DLC1: variants seen among roughly 807,000 people sequenced by gnomAD.
DLC1 encodes DLC1 Rho GTPase activating protein.
In DLC1, 54 loss-of-function variants were observed where a neutral mutation model predicts 140.3. That is an observed-to-expected ratio of 0.38 (90% CI 0.31 to 0.48). The LOEUF is 0.48. Ranked by LOEUF, DLC1 falls within the 20% of genes least tolerant of loss-of-function variation. DLC1 has a pLI of 0.96. For missense variants in DLC1, 2,536 were observed against 1,907.0 expected (o/e 1.33, Z -6.14); for synonymous variants, 986 against 728.1 (o/e 1.35, Z -5.70).
chr8:13,269,016 G>T (rs1038866868), intron 5 of DLC1, among the ~76,000 whole-genome samples: 1 of 151,694 alleles, frequency 6.6e-6, no homozygotes, highest in Non-Finnish European at 1.5e-5. Flanking sequence ...TGGGACTAAA[G>T]GCACCCGCCA....
At chr8:13,314,986 T>G (rs1276552799) in intron 4 of DLC1, among the ~76,000 whole-genome samples, 2 of 152,200 alleles carry the variant, frequency 1.3e-5, no homozygotes, top group African/African-American at 4.8e-5. Flanking sequence ...TAGGTTTTAT[T>G]TTGGCTGAAA....
chr8:13,297,292 A>AAAAAAAAAAAAAAAAAAAAAC (rs1563233241), intron 5 of DLC1, among the ~76,000 whole-genome samples: 4 of 144,452 alleles, frequency 2.8e-5, no homozygotes, highest in African/African-American at 1.0e-4. Flanking sequence ...TAAAAAAAAA[A>AAAAAAAAAAAAAAAAAAAAAC]AAAACTGAAG....
intron 2 of DLC1, among the ~76,000 whole-genome samples, chr8:13,492,007 T>A (rs1280123205): frequency 1.3e-5 from 2 of 152,190 alleles, no homozygotes; most frequent in African/African-American, 4.8e-5. Context: ...TGGATTCCAA[T>A]GAATTTGTTT....
chr8:13,251,193 C>T (rs1829989293), intron 5 of DLC1, among the ~76,000 whole-genome samples: 1 of 152,182 alleles, frequency 6.6e-6, no homozygotes, highest in Non-Finnish European at 1.5e-5. Context: ...TAGGGCCCCA[C>T]CCTTATGACC....
chr8:13,451,663 C>T (rs542218095), intron 2 of DLC1, among the ~76,000 whole-genome samples: 2 of 152,254 alleles, frequency 1.3e-5, no homozygotes, highest in South Asian at 4.1e-4. Flanking sequence ...ATAATAGCCT[C>T]CAGTTCCATC....
chr8:13,313,182 A>G (rs1348831472), intron 4 of DLC1, among the ~76,000 whole-genome samples: 4 of 152,114 alleles, frequency 2.6e-5, no homozygotes, highest in Admixed American at 2.0e-4. Flanking sequence ...TCTTCCTAGT[A>G]TGCTCATTCT....
chr8:13,463,769 G>C (rs1799792736), intron 2 of DLC1, among the ~76,000 whole-genome samples: 1 of 152,182 alleles, frequency 6.6e-6, no homozygotes, highest in Non-Finnish European at 1.5e-5. Flanking sequence ...CAGGACCTAT[G>C]TCTTTAAAGA....
At chr8:13,204,048 G>C (rs1585904686) in intron 5 of DLC1, among the ~76,000 whole-genome samples, 1 of 152,252 alleles carries the variant, frequency 6.6e-6, no homozygotes, top group East Asian at 1.9e-4. Flanking sequence ...GGTGTGTGTT[G>C]TTGGGGTCGG....
At chr8:13,144,710 A>C (rs1010393198) in intron 5 of DLC1, among the ~76,000 whole-genome samples, 1 of 152,198 alleles carries the variant, frequency 6.6e-6, no homozygotes, top group Non-Finnish European at 1.5e-5. Context: ...GCTTGCAGTG[A>C]GCCGAGATTG....
intron 2 of DLC1, among the ~76,000 whole-genome samples, chr8:13,412,948 A>AG (rs1837852584): frequency 6.6e-6 from 1 of 151,354 alleles, no homozygotes; most frequent in Non-Finnish European, 1.5e-5. Flanking sequence ...AAAAAAAAAA[A>AG]AAAAAATGCC....
intron 1 of DLC1, among the ~76,000 whole-genome samples, chr8:13,603,740 T>G (rs1213010297): frequency 6.6e-6 from 1 of 152,070 alleles, no homozygotes; most frequent in Non-Finnish European, 1.5e-5. Flanking sequence ...AAAAATTAGC[T>G]TATCCATTAG....
chr8:13,370,655 C>A (rs11991613), intron 4 of DLC1, among the ~76,000 whole-genome samples: 2 of 152,108 alleles, frequency 1.3e-5, no homozygotes, highest in Non-Finnish European at 2.9e-5. Context: ...GAAATCAGGG[C>A]TCAGCTAATG....
Position 13,499,386 on chromosome 8 carries a change from G to A in DLC1, c.686C>T (p.Ala229Val), listed in dbSNP as rs757341482. ...TTTCCTTCGTTGCTGAGCAATTACA[G>A]CAGAGTTAAGCAATTGTTTCTCAGG... is the stretch of plus-strand genomic sequence containing the variant. ...IAPEKQLLNS[A>V]VIAQQRRKPD... Residue 229 changes from alanine to valine, a missense_variant, in exon 2 of 18, where the codon GCT becomes GTT. Coordinates refer to ENST00000276297, the MANE Select transcript of DLC1 (RefSeq NM_182643.3). 21 of 1,613,660 alleles carry A rather than the reference G, an allele frequency of 1.3e-5. No homozygotes were observed. Among genetic ancestry groups the A allele is most frequent in the Non-Finnish European group, 1.7e-5 (20 of 1,179,948 alleles).
chr8:13,406,185 T>TTTTTTTTTTG (rs1554514496), intron 2 of DLC1, among the ~76,000 whole-genome samples: 3 of 129,368 alleles, frequency 2.3e-5, no homozygotes, highest in African/African-American at 9.0e-5. Context: ...TTTTGTGTTT[T>TTTTTTTTTTG]TTTTTTTTTT....
chr8:13,264,202 G>A (rs1830591985), intron 5 of DLC1, among the ~76,000 whole-genome samples: 2 of 151,908 alleles, frequency 1.3e-5, no homozygotes, highest in South Asian at 2.1e-4. Flanking sequence ...CCGAGTAGAT[G>A]GGATTACAGG....
intron 5 of DLC1, among the ~76,000 whole-genome samples, chr8:13,220,351 T>G (rs1317014151): frequency 1.3e-5 from 2 of 152,036 alleles, no homozygotes; most frequent in African/African-American, 4.8e-5. Context: ...CACGTAAAGG[T>G]AAAGATAGAA....
chr8:13,086,392 G>T lies in DLC1; in HGVS notation c.4364C>A (p.Pro1455His), dbSNP rs34723518. ...CACATTAACCCTCACACCCACCACA[G>T]GTGCGCGATCGTGATCCACAGAGGT... ...LLTSVDHDRA[P>H]VVGVRVNVLL... Residue 1455 changes from proline (P) to histidine (H), a missense_variant, in exon 17 of 18, where the codon CCT (proline) becomes CAT (histidine). Physicochemically the swap from Pro to His is moderately conservative, Grantham distance 77. Transcript: ENST00000276297. 2 of 1,614,122 alleles carry T rather than the reference G, an allele frequency of 1.2e-6. No individual in the cohort carries two copies. The highest frequency in any genetic ancestry group is 2.7e-5 in the African/African-American group (2 of 74,936).
chr8:13,253,009 G>A (rs1028458791), intron 5 of DLC1, among the ~76,000 whole-genome samples: 1 of 152,128 alleles, frequency 6.6e-6, no homozygotes, highest in African/African-American at 2.4e-5. Context: ...GCTAGAATAG[G>A]TTCACAAACA....
At position 13,241,809 on chromosome 8, in the gene DLC1, A is replaced by G. The variant is rs529589477; in HGVS notation, c.1348+63460T>C. ...CGCTGCTCACTATCTTTCAGGGGCCAATTAGCCAGTTTGGTATATCCAGAC... is the reference window on the plus strand; with the variant it reads ...CGCTGCTCACTATCTTTCAGGGGCCGATTAGCCAGTTTGGTATATCCAGAC... On this transcript the variant is annotated intron_variant, in intron 5 of 17. Coordinates refer to ENST00000276297, the MANE Select transcript of DLC1 (RefSeq NM_182643.3). 8.5e-5 allele frequency among the ~76,000 whole-genome samples: 13 copies of G among 152,226 alleles called. No homozygotes were observed. The South Asian group carries it at 2.5e-3, about 29-fold the overall frequency.
Sources: gnomAD v4.1 joint callset for allele counts (sites outside exome capture counted in the v4.1 genomes callset) on GRCh38, gnomAD v4.1.1 for gene constraint, MANE v1.5 for transcripts, NCBI Gene and HGNC (gene_info 2026-07-23, HGNC 2026-07-21) for gene names.